DSE: variants seen among roughly 807,000 people sequenced by gnomAD.
DSE encodes dermatan-sulfate epimerase.
A neutral mutation model predicts 84.4 loss-of-function variants in DSE; 36 were observed. The observed-to-expected ratio is 0.43, with a 90% CI of 0.33 to 0.56. DSE has a LOEUF of 0.56. DSE is among the 20% of genes least tolerant of loss of function. DSE has a pLI of 0.06. For missense variants in DSE, 862 were observed against 1,169.6 expected, an observed-to-expected ratio of 0.74 and a Z score of 3.84; for synonymous variants, 410 against 430.1, an observed-to-expected ratio of 0.95 and a Z score of 0.58.
upstream of DSE, chr6:116,370,379 C>T (rs1211840008): frequency 8.2e-6 from 7 of 852,614 alleles, no homozygotes; most frequent in Non-Finnish European, 9.9e-6. Context: ...TAGGTGACCC[C>T]CGCCCCAAAG....
At chr6:116,353,443 C>A (rs1320863221) in intron 2 of DSE, among the ~76,000 whole-genome samples, 1 of 152,062 alleles carries the variant, frequency 6.6e-6, no homozygotes, top group African/African-American at 2.4e-5. Flanking sequence ...TCATGAGTGC[C>A]TTCTTAATTT....
Position 116,435,824 on chromosome 6 carries a change from T to C in DSE, c.1356T>C (p.His452=). The change falls in exon 6 of 6, where the codon CAT becomes CAC. Residue 452 remains histidine (H), a synonymous_variant. Coordinates refer to ENST00000644252, the MANE Select transcript of DSE (RefSeq NM_013352.4). ...GWRNFNAGHE[H]PDQNSFTFAP... is the part of the protein sequence containing the mutation. ...GAAATTTTAATGCAGGGCATGAACA[T>C]CCTGATCAAAACTCATTTACTTTTG... The C allele has an allele frequency of 1.2e-6, 2 of 1,614,142 alleles. No homozygotes were observed. Among genetic ancestry groups the C allele is most frequent in the South Asian group, 2.2e-5 (2 of 91,082 alleles).
At chr6:116,392,107 T>TTG (rs768428584) in intron 1 of DSE, among the ~76,000 whole-genome samples, 68 of 152,316 alleles carry the variant, frequency 4.5e-4, no homozygotes, top group Non-Finnish European at 5.7e-4. Flanking sequence ...AGTGAAATAG[T>TTG]ATGTGAGACC....
At chr6:116,415,486 T>C (rs1420385389) in intron 2 of DSE, among the ~76,000 whole-genome samples, 2 of 152,160 alleles carry the variant, frequency 1.3e-5, no homozygotes, top group East Asian at 1.9e-4. Flanking sequence ...CCTTTAGTTC[T>C]AGCAATTTTC....
intron 2 of DSE, among the ~76,000 whole-genome samples, chr6:116,420,713 T>G (rs529546071): frequency 1.3e-5 from 2 of 152,372 alleles, no homozygotes; most frequent in South Asian, 4.1e-4. Context: ...AATGTTAAAT[T>G]TTAATCTTTT....
At chr6:116,347,612 T>C (rs1415675731) in intron 2 of DSE, among the ~76,000 whole-genome samples, 1 of 152,194 alleles carries the variant, frequency 6.6e-6, no homozygotes, top group African/African-American at 2.4e-5. Context: ...TGAAACTGGA[T>C]CCCTTCCTTA....
At chr6:116,377,115 G>T (rs1779973355) in intron 1 of DSE, among the ~76,000 whole-genome samples, 1 of 152,184 alleles carries the variant, frequency 6.6e-6, no homozygotes, top group African/African-American at 2.4e-5. Flanking sequence ...TTAAGAAGCT[G>T]TCCTTTAAAT....
chr6:116,430,931 T>G (rs1349693357), intron 3 of DSE, 23 bp from the exon 4 acceptor site: 1 of 1,610,888 alleles, frequency 6.2e-7, no homozygotes, highest in Admixed American at 1.7e-5. Context: ...TAGTCATTGC[T>G]TCCATGTGTT....
intron 2 of DSE, among the ~76,000 whole-genome samples, chr6:116,337,619 A>G (rs569176494): frequency 1.3e-5 from 2 of 152,334 alleles, no homozygotes; most frequent in South Asian, 4.1e-4. Context: ...CTCAAAAAAT[A>G]AATAAATGAA....
intron 2 of DSE, among the ~76,000 whole-genome samples, chr6:116,297,501 A>T (rs142026954): frequency 3.2e-4 from 48 of 152,320 alleles, no homozygotes; most frequent in Non-Finnish European, 5.9e-5. Flanking sequence ...AGGGAAATGC[A>T]ATCTGAAACA....
At chr6:116,256,843 ATT>A (rs1389503570) in intron 1 of DSE, 1 of 152,208 alleles carries the variant, frequency 6.6e-6, no homozygotes, top group Non-Finnish European at 1.5e-5. Context: ...AATAATATAT[ATT>A]TTGTACACAG....
chr6:116,260,969 C>G (rs1207212379), intron 2 of DSE, among the ~76,000 whole-genome samples: 1 of 152,068 alleles, frequency 6.6e-6, no homozygotes, highest in Admixed American at 6.5e-5. Flanking sequence ...TATTTGGGCT[C>G]TTTTTGGCTT....
At chr6:116,302,606 A>T (rs186402801) in intron 2 of DSE, among the ~76,000 whole-genome samples, 4 of 152,220 alleles carry the variant, frequency 2.6e-5, no homozygotes, top group African/African-American at 9.6e-5. Flanking sequence ...ATTCACTCTG[A>T]TGATAGTTTC....
intron 2 of DSE, among the ~76,000 whole-genome samples, chr6:116,262,701 A>G (rs977338014): frequency 1.3e-5 from 2 of 152,020 alleles, no homozygotes; most frequent in Admixed American, 6.6e-5. Context: ...TAGTTGTGAT[A>G]TTAGGTTTTT....
intron 2 of DSE, among the ~76,000 whole-genome samples, chr6:116,425,030 CAGGT>C (rs1783337971): frequency 6.6e-6 from 1 of 152,176 alleles, no homozygotes; most frequent in African/African-American, 2.4e-5. Flanking sequence ...AACAAAGTTA[CAGGT>C]AGGTATCACA....
intron 2 of DSE, among the ~76,000 whole-genome samples, chr6:116,334,386 T>C (rs1777119611): frequency 6.6e-6 from 1 of 152,202 alleles, no homozygotes; most frequent in Non-Finnish European, 1.5e-5. Context: ...CTACTCCCTG[T>C]TGGTCTCTTA....
chr6:116,368,088 T>C (rs567227304), upstream of DSE, among the ~76,000 whole-genome samples: 8 of 152,300 alleles, frequency 5.3e-5, no homozygotes, highest in South Asian at 1.7e-3. Flanking sequence ...AGCAAAGACA[T>C]CCAATAGACA....
chr6:116,381,409 C>A (rs942690906), intron 1 of DSE, among the ~76,000 whole-genome samples: 1 of 152,076 alleles, frequency 6.6e-6, no homozygotes, highest in African/African-American at 2.4e-5. Flanking sequence ...GCTCATTTTG[C>A]TGAGGGAAAT....
intron 2 of DSE, among the ~76,000 whole-genome samples, chr6:116,350,263 A>AAG (rs1562247215): frequency 6.6e-6 from 1 of 152,174 alleles, no homozygotes; most frequent in African/African-American, 2.4e-5. Flanking sequence ...ATGGTTGAGG[A>AAG]AGAGTATGAA....
Sources: allele counts gnomAD v4.1 joint callset (sites outside exome capture counted in the v4.1 genomes callset), GRCh38; gene constraint gnomAD v4.1.1; transcripts MANE v1.5; gene names NCBI Gene and HGNC (gene_info 2026-07-23, HGNC 2026-07-21).